The following ZFC3H1 variants were observed in gnomAD, a reference collection of about 807,000 sequenced individuals.
The protein encoded by ZFC3H1 is zinc finger C3H1-type containing.
In ZFC3H1, 71 loss-of-function variants were observed where a neutral mutation model predicts 243.7. The observed-to-expected ratio is 0.29, with a 90% CI of 0.24 to 0.36. The LOEUF is 0.36. Among genes scored for constraint, ZFC3H1 ranks in the 10% least tolerant of loss-of-function variants. The pLI is 1.00. For synonymous variants in ZFC3H1, 838 were observed against 813.0 expected, an observed-to-expected ratio of 1.03 and a Z score of -0.52; for missense variants, 1,966 against 2,317.1, an observed-to-expected ratio of 0.85 and a Z score of 3.11.
chr12:71,658,856 T>C (rs1881090456), intron 1 of ZFC3H1, among the ~76,000 whole-genome samples: 1 of 152,168 alleles, frequency 6.6e-6, no homozygotes, highest in Admixed American at 6.5e-5. Context: ...AAAACTAGTT[T>C]CTCTGTACCC....
In ZFC3H1 at chr12:71,611,104, GAAAAAAAA is replaced by G; in HGVS notation, c.5730-15_5730-8del. 5 of 1,279,700 alleles carry G rather than the reference GAAAAAAAA, an allele frequency of 3.9e-6. No homozygotes were observed. Among genetic ancestry groups the G allele is most frequent in the Non-Finnish European group, 5.1e-6 (5 of 983,334 alleles). 79.3% of individuals were successfully genotyped at this position (1,279,700 alleles called of 1,614,324 possible). ...AATCTCAGCAGCAATGGCTCTAAGA[GAAAAAAAA>G]AAAAAAAGAAATATAGAAAAAGGAA... On this transcript the variant is annotated splice_polypyrimidine_tract_variant and splice_region_variant and intron_variant, in intron 32 of 34. Transcript: ENST00000378743.
intron 6 of ZFC3H1, 132 bp from the exon 7 acceptor site, chr12:71,638,647 C>T: frequency 1.4e-6 from 1 of 697,986 alleles, no homozygotes; most frequent in Non-Finnish European, 2.3e-6. Context: ...CTGATAAAAT[C>T]TTTAAACCCC....
At chr12:71,639,133 T>G (rs1488660006) in intron 6 of ZFC3H1, among the ~76,000 whole-genome samples, 1 of 149,536 alleles carries the variant, frequency 6.7e-6, no homozygotes, top group East Asian at 1.9e-4. Flanking sequence ...ATAAAAATAA[T>G]TGTGTATTTT....
intron 13 of ZFC3H1, 120 bp downstream of exon 13, chr12:71,633,144 C>T (rs1880367311): frequency 1.4e-6 from 2 of 1,392,832 alleles, no homozygotes; most frequent in African/African-American, 1.5e-5. Flanking sequence ...TATTTCTCAA[C>T]AAGAAACTAT....
chr12:71,644,264 T>C lies in ZFC3H1; in HGVS notation c.1334A>G (p.Gln445Arg). The change falls in exon 5 of 35, where the codon CAA becomes CGA. Residue 445 changes from glutamine to arginine, a missense_variant. Around this residue, in one of 4 missense-constraint regions of ZFC3H1, gnomAD observed 91 missense variants for 107.6 expected, o/e 0.85. Coordinates refer to ENST00000378743, the MANE Select transcript of ZFC3H1 (RefSeq NM_144982.5). ...QTKAWKKLQQ[Q>R]KEQERQKEED... is the part of the protein sequence containing the mutation. Reference sequence around the variant, plus strand: ...TTCTTTCTGTCTTTCCTGCTCTTTTTGTTGTTGTAGTTTCTTCCATGCCTT... The same window carrying C: ...TTCTTTCTGTCTTTCCTGCTCTTTTCGTTGTTGTAGTTTCTTCCATGCCTT... 2 of 1,613,380 alleles carry C rather than the reference T, an allele frequency of 1.2e-6. No individual in the cohort carries two copies. The highest frequency in any genetic ancestry group is 1.1e-5 in the South Asian group (1 of 91,010).
intron 2 of ZFC3H1, among the ~76,000 whole-genome samples, chr12:71,652,746 T>C (rs1350263850): frequency 1.3e-5 from 2 of 152,150 alleles, no homozygotes; most frequent in Non-Finnish European, 2.9e-5. Context: ...TGTAGAATCA[T>C]AGTACTAAAT....
intron 1 of ZFC3H1, among the ~76,000 whole-genome samples, chr12:71,658,816 T>C (rs1230961414): frequency 6.6e-6 from 1 of 152,232 alleles, no homozygotes; most frequent in African/African-American, 2.4e-5. Flanking sequence ...TCTGGTTCTC[T>C]GATCTCTTCA....
intron 7 of ZFC3H1, 119 bp from the exon 8 acceptor site, chr12:71,637,178 T>C (rs1880485440): frequency 2.2e-6 from 2 of 896,814 alleles, no homozygotes; most frequent in Non-Finnish European, 3.3e-6. Flanking sequence ...GCTGTAAATA[T>C]AGTAAGCTAA....
rs752986159 is a variant in ZFC3H1, at chr12:71,627,937, AT to A, written c.3947-4del. 1.9e-5 allele frequency: 30 copies of A among 1,609,408 alleles called. No homozygotes were observed. Among genetic ancestry groups the A allele is most frequent in the Non-Finnish European group, 2.5e-5 (29 of 1,179,044 alleles). On this transcript the variant is annotated splice_region_variant and splice_polypyrimidine_tract_variant and intron_variant, in intron 20 of 34. Transcript: ENST00000378743. ...TATTTGGTTCTCTGGCTGGAAAGCT[AT>A]TTAAAAAAAAAGTATTATTAGCTTC...
At chr12:71,629,749 A>G (rs1209898790) in intron 18 of ZFC3H1, 39 bp from the exon 19 acceptor site, 3 of 1,249,806 alleles carry the variant, frequency 2.4e-6, no homozygotes, top group African/African-American at 2.9e-5. Context: ...ATAAATATCA[A>G]TTACAGAGAC....
At chr12:71,629,405 G>A (rs1880257388) in intron 19 of ZFC3H1, among the ~76,000 whole-genome samples, 2 of 152,090 alleles carry the variant, frequency 1.3e-5, no homozygotes, top group East Asian at 3.9e-4. Flanking sequence ...AACCTCAAGT[G>A]ATCAGCCCAC....
intron 2 of ZFC3H1, among the ~76,000 whole-genome samples, chr12:71,652,964 C>A (rs990423778): frequency 1.3e-5 from 2 of 148,956 alleles, no homozygotes; most frequent in Middle Eastern, 3.2e-3. Flanking sequence ...AAAAAAACAA[C>A]GACCATCTCA....
At position 71,611,727 on chromosome 12, in the gene ZFC3H1, A is replaced by C. The variant is rs1879779370; in HGVS notation, c.5729+59T>G. 3.0e-6 allele frequency: 3 copies of C among 984,444 alleles called. No individual in the cohort carries two copies. In the East Asian group the frequency reaches 8.4e-5, roughly 28 times the overall value. 61.0% of individuals were successfully genotyped at this position (984,444 alleles called of 1,614,324 possible). ...TGTCATTTCAGATTTACCTGTCTGG[A>C]GCAAACCTTATAAATAAAAGCAATA... On this transcript the variant is annotated intron_variant, in intron 32 of 34. Coordinates refer to ENST00000378743, the MANE Select transcript of ZFC3H1 (RefSeq NM_144982.5).
rs1177071781 is a variant in ZFC3H1, at chr12:71,632,391, G to C, written c.2941C>G (p.Gln981Glu). ...KLEYEYALKI[Q>E]KLKEARALKA... ...AGGGCACGGGCTTCTTTTAATTTTTGAATTTTCAGGGCATATTCATATTCT... is the reference window on the plus strand; with the variant it reads ...AGGGCACGGGCTTCTTTTAATTTTTCAATTTTCAGGGCATATTCATATTCT... Residue 981 changes from glutamine (Q) to glutamate (E), a missense_variant, in exon 15 of 35, where the codon CAA (glutamine) becomes GAA (glutamate). This residue lies in a region of ZFC3H1 where 1,383 missense variants were observed against 1,723.7 expected (regional missense o/e 0.80). Transcript: ENST00000378743. 4 of 1,613,030 alleles carry C rather than the reference G, an allele frequency of 2.5e-6. No homozygotes were observed. Among genetic ancestry groups the C allele is most frequent in the Middle Eastern group, 3.3e-4 (2 of 6,058 alleles).
intron 6 of ZFC3H1, 24 bp from the exon 7 acceptor site, chr12:71,638,539 A>C (rs1592595420): frequency 6.4e-7 from 1 of 1,555,444 alleles, no homozygotes; most frequent in East Asian, 2.3e-5. Flanking sequence ...TTTTGTTAAG[A>C]GTTTAATAAC....
chr12:71,627,202 T>C (rs1053572742), intron 21 of ZFC3H1, among the ~76,000 whole-genome samples: 2 of 152,170 alleles, frequency 1.3e-5, no homozygotes, highest in Admixed American at 1.3e-4. Flanking sequence ...TTATTTCTAC[T>C]ACCAAGAAGT....
At chr12:71,619,821 A>T in intron 26 of ZFC3H1, 105 bp downstream of exon 26, 1 of 1,025,992 alleles carries the variant, frequency 9.7e-7, no homozygotes, top group Non-Finnish European at 1.4e-6. Flanking sequence ...AACACCTAAC[A>T]CTGCTTGCAA....
chr12:71,656,689 C>CA, intron 2 of ZFC3H1, 196 bp downstream of exon 2: 2 of 618,516 alleles, frequency 3.2e-6, no homozygotes, highest in Non-Finnish European at 5.3e-6. Context: ...GAATGTCAGG[C>CA]AAAAAATAAA....
At chr12:71,662,893 G>C in intron 1 of ZFC3H1, 120 bp downstream of exon 1, 1 of 1,020,402 alleles carries the variant, frequency 9.8e-7, no homozygotes, top group Admixed American at 2.3e-5. Flanking sequence ...AAAGTATACT[G>C]ACACAGGGAG....
Sources: allele counts gnomAD v4.1 joint callset (sites outside exome capture counted in the v4.1 genomes callset), GRCh38; gene constraint gnomAD v4.1.1; regional missense constraint gnomAD v4.1.1; transcripts MANE v1.5; gene names NCBI Gene and HGNC (gene_info 2026-07-23, HGNC 2026-07-21).